The following USP15 variants were observed in gnomAD, a reference collection of about 807,000 sequenced individuals.
USP15 encodes the protein ubiquitin carboxyl-terminal hydrolase 15.
Under a neutral mutation model 127.1 loss-of-function variants are expected in USP15, and 18 were observed. That is an observed-to-expected ratio of 0.14 (90% CI 0.10 to 0.21). The LOEUF is 0.21. Among genes scored for constraint, USP15 ranks in the 10% least tolerant of loss-of-function variants. The pLI is 1.00. For missense variants in USP15, 805 were observed against 1,159.9 expected, an observed-to-expected ratio of 0.69 and a Z score of 4.44; for synonymous variants, 364 against 393.7, an observed-to-expected ratio of 0.92 and a Z score of 0.89.
Position 62,391,833 on chromosome 12 carries a change from T to C in USP15, c.2251T>C (p.Leu751=), listed in dbSNP as rs1445624335. 2.5e-6 allele frequency: 4 copies of C among 1,609,038 alleles called. No individual in the cohort carries two copies. The Admixed American group carries it at 6.7e-5, about 27-fold the overall frequency. ...LRLDERSFLA[L]DWDPDLKKRY... The stretch of plus-strand genomic sequence containing the variant: ...CACCTTAGAAAGATCTTTTCTTGCT[T>C]TGGATTGGGATCCTGATTTGAAAAA... The change falls in exon 17 of 22, where the codon TTG becomes CTG. Residue 751 remains leucine, a synonymous_variant. Coordinates refer to ENST00000280377, the MANE Select transcript of USP15 (RefSeq NM_001252078.2).
At chr12:62,283,957 A>G (rs2063724193) in intron 1 of USP15, among the ~76,000 whole-genome samples, 1 of 152,154 alleles carries the variant, frequency 6.6e-6, no homozygotes, top group Non-Finnish European at 1.5e-5. Flanking sequence ...AACAAACAAC[A>G]AATATTATTT....
At chr12:62,393,305 C>G in intron 19 of USP15, 103 bp downstream of exon 19, 1 of 1,329,608 alleles carries the variant, frequency 7.5e-7, no homozygotes, top group Non-Finnish European at 1.0e-6. Context: ...GCCATTGGAC[C>G]CAATTTCAGC....
intron 1 of USP15, among the ~76,000 whole-genome samples, chr12:62,293,668 C>A (rs2064042559): frequency 6.6e-6 from 1 of 152,086 alleles, no homozygotes; most frequent in South Asian, 2.1e-4. Flanking sequence ...AATTTTGGTT[C>A]TTTTTTCTGA....
intron 6 of USP15, among the ~76,000 whole-genome samples, chr12:62,333,137 C>T (rs1320702324): frequency 1.3e-5 from 2 of 152,188 alleles, no homozygotes; most frequent in East Asian, 1.9e-4. Flanking sequence ...TATTAAAATA[C>T]ATGTTGGCTG....
intron 1 of USP15, among the ~76,000 whole-genome samples, chr12:62,288,566 C>T (rs2063852509): frequency 6.6e-6 from 1 of 152,094 alleles, no homozygotes; most frequent in Non-Finnish European, 1.5e-5. Flanking sequence ...ACTTGGCTTC[C>T]TCTTTTCCAA....
intron 3 of USP15, among the ~76,000 whole-genome samples, chr12:62,311,992 G>A (rs772742899): frequency 5.0e-4 from 76 of 151,722 alleles, no homozygotes; most frequent in African/African-American, 1.4e-3. Flanking sequence ...AAGTATTTGT[G>A]GATGGAAAAT....
intron 5 of USP15, among the ~76,000 whole-genome samples, chr12:62,322,403 T>C (rs2065008790): frequency 6.6e-6 from 1 of 152,162 alleles, no homozygotes. Context: ...CCCAAAGTGC[T>C]GGGATTACAG....
chr12:62,280,353 A>G (rs1008294644), intron 1 of USP15, among the ~76,000 whole-genome samples: 4 of 152,196 alleles, frequency 2.6e-5, no homozygotes, highest in Non-Finnish European at 5.9e-5. Context: ...GTTGTTAACT[A>G]TGTGTCTTAG....
intron 6 of USP15, among the ~76,000 whole-genome samples, chr12:62,347,308 T>TA (rs1182995090): frequency 6.6e-6 from 1 of 150,982 alleles, no homozygotes; most frequent in Admixed American, 6.6e-5. Context: ...TGTGTGTACA[T>TA]ATATATATGT....
intron 3 of USP15, among the ~76,000 whole-genome samples, chr12:62,310,812 C>G (rs1301861675): frequency 4.0e-5 from 6 of 151,862 alleles, no homozygotes; most frequent in African/African-American, 1.2e-4. Flanking sequence ...ACACTGTTTT[C>G]TGTAGTGGCT....
intron 1 of USP15, among the ~76,000 whole-genome samples, chr12:62,270,554 G>A (rs1363472873): frequency 1.3e-5 from 2 of 152,018 alleles, no homozygotes; most frequent in African/African-American, 4.8e-5. Flanking sequence ...GGTCAGGGGA[G>A]GAGTTCAATT....
At chr12:62,313,400 G>T (rs189184497) in intron 3 of USP15, among the ~76,000 whole-genome samples, 28 of 151,368 alleles carry the variant, frequency 1.8e-4, no homozygotes, top group Non-Finnish European at 3.3e-4. Context: ...CTTTGTGTTG[G>T]TCATTCCATT....
Position 62,414,140 on chromosome 12 carries a change from A to G in USP15, c.*9765A>G, listed in dbSNP as rs991950808. The G allele has an allele frequency of 1.2e-4, 19 of 152,222 alleles. No individual in the cohort carries two copies. The highest frequency in any genetic ancestry group is 4.1e-4 in the African/African-American group (17 of 41,446). 9.4% of individuals were successfully genotyped at this position (152,222 alleles called of 1,614,324 possible). A position where few individuals can be genotyped will look rare whatever the true frequency, so the allele number is the denominator to read the frequency against. ...CTGATCACAGATCACCGTAACAGAT[A>G]CAATAATAATGAAGACATTTGAAAT... is the stretch of plus-strand genomic sequence containing the variant. On this transcript the variant is annotated 3_prime_UTR_variant, in exon 22 of 22. Transcript: ENST00000280377.
At chr12:62,362,372 C>T (rs575102828) in intron 8 of USP15, among the ~76,000 whole-genome samples, 6 of 151,896 alleles carry the variant, frequency 4.0e-5, no homozygotes, top group Non-Finnish European at 5.9e-5. Context: ...ATACAAGATG[C>T]TCTCATTAAG....
Position 62,390,766 on chromosome 12 carries a change from C to T in USP15, c.1845-98C>T, listed in dbSNP as rs538851248. On this transcript the variant is annotated intron_variant, in intron 14 of 21. Coordinates refer to ENST00000280377, the MANE Select transcript of USP15 (RefSeq NM_001252078.2). Reference sequence around the variant, plus strand: ...TGAATCTACTAAGTGACCACTGTTACTGCATTAAAAAGTTTTGTTTTACTG... The same window carrying T: ...TGAATCTACTAAGTGACCACTGTTATTGCATTAAAAAGTTTTGTTTTACTG... 60 of 713,810 alleles carry T rather than the reference C, an allele frequency of 8.4e-5. 1 individual carries two copies. In the East Asian group the frequency reaches 1.2e-3, roughly 15 times the overall value. The allele number at this position is 713,810 out of a possible 1,614,324, so 44.2% of individuals were successfully genotyped here. A position where few individuals can be genotyped will look rare whatever the true frequency, so the allele number is the denominator to read the frequency against.
intron 1 of USP15, among the ~76,000 whole-genome samples, chr12:62,288,012 T>C (rs1284274748): frequency 2.6e-5 from 4 of 152,184 alleles, no homozygotes; most frequent in Non-Finnish European, 1.5e-5. Flanking sequence ...TAATTTGAAG[T>C]TGGGTAATGT....
intron 2 of USP15, among the ~76,000 whole-genome samples, chr12:62,297,146 C>T (rs2064155125): frequency 6.6e-6 from 1 of 152,110 alleles, no homozygotes; most frequent in Admixed American, 6.6e-5. Context: ...TCTGTCATGC[C>T]TTATTGTACC....
In USP15 at chr12:62,408,276, A is replaced by G. The variant is rs901837059; in HGVS notation, c.*3901A>G. 6.6e-6 allele frequency: 1 copy of G among 151,844 alleles called. No homozygotes were observed. The highest frequency in any genetic ancestry group is 3.2e-3 in the Middle Eastern group (1 of 316). 9.4% of individuals were successfully genotyped at this position (151,844 alleles called of 1,614,324 possible). A position where few individuals can be genotyped will look rare whatever the true frequency, so the allele number is the denominator to read the frequency against. ...AAAAAGGCCAATTTTTTGTTTTGTT[A>G]TTTTTAAGTTACCTACAGATAATGC... On this transcript the variant is annotated 3_prime_UTR_variant, in exon 22 of 22. Transcript: ENST00000280377.
intron 6 of USP15, chr12:62,335,225 A>G: frequency 6.5e-7 from 1 of 1,535,452 alleles, no homozygotes; most frequent in Non-Finnish European, 8.7e-7. Flanking sequence ...TCACAGAAAG[A>G]GAGCTAAAGG....
Sources: gnomAD v4.1 joint callset for allele counts (sites outside exome capture counted in the v4.1 genomes callset) on GRCh38, gnomAD v4.1.1 for gene constraint, MANE v1.5 for transcripts, NCBI Gene and HGNC (gene_info 2026-07-23, HGNC 2026-07-21) for gene names.